AVEN: variants seen among roughly 807,000 people sequenced by gnomAD.
The protein encoded by AVEN is cell death regulator Aven.
A neutral mutation model predicts 38.1 loss-of-function variants in AVEN; 41 were observed. The ratio of observed to expected loss-of-function variants is 1.08; its 90% CI spans 0.84 to 1.40. AVEN has a LOEUF of 1.40. AVEN is among the 40% of genes most tolerant of loss of function. The pLI is 0.00. For missense variants in AVEN, 605 were observed against 438.8 expected (o/e 1.38, Z -3.38); for synonymous variants, 206 against 171.8 (o/e 1.20, Z -1.56).
At chr15:33,993,060 A>G (rs1896794146) in intron 2 of AVEN, among the ~76,000 whole-genome samples, 1 of 152,224 alleles carries the variant, frequency 6.6e-6, no homozygotes, top group Non-Finnish European at 1.5e-5. Context: ...CATTCTGCTC[A>G]CACTGTTAAA....
chr15:33,860,338 G>A (rs976413235), intron 11 of AVEN, among the ~76,000 whole-genome samples: 7 of 152,116 alleles, frequency 4.6e-5, no homozygotes, highest in Admixed American at 1.3e-4. Context: ...ACCAACCAGG[G>A]AGAAGTAGAA....
intron 2 of AVEN, among the ~76,000 whole-genome samples, chr15:33,997,976 A>C (rs1897004055): frequency 6.6e-6 from 1 of 152,062 alleles, no homozygotes; most frequent in South Asian, 2.1e-4. Context: ...AGGAAACTAT[A>C]CTTTCCCACT....
chr15:33,900,129 A>C (rs553500222), intron 2 of AVEN, among the ~76,000 whole-genome samples: 1 of 152,076 alleles, frequency 6.6e-6, no homozygotes, highest in South Asian at 2.1e-4. Context: ...TCTTCTCTCT[A>C]AGCCCTTTTC....
At chr15:34,057,468 GC>G (rs1900200060) in intron 5 of AVEN, among the ~76,000 whole-genome samples, 1 of 152,208 alleles carries the variant, frequency 6.6e-6, no homozygotes, top group Non-Finnish European at 1.5e-5. Context: ...TGCTCTTGTT[GC>G]TGGATTGCTA....
chr15:33,905,927 CTACT>C (rs1041937768), intron 2 of AVEN, among the ~76,000 whole-genome samples: 1 of 152,058 alleles, frequency 6.6e-6, no homozygotes, highest in Non-Finnish European at 1.5e-5. Context: ...TACCTGTTAC[CTACT>C]GTCTTCCCTA....
chr15:33,886,148 G>A (rs889461636), intron 2 of AVEN, among the ~76,000 whole-genome samples: 22 of 152,238 alleles, frequency 1.4e-4, no homozygotes, highest in African/African-American at 4.8e-4. Flanking sequence ...TTCTATCTCT[G>A]TTGATATGGT....
chr15:33,892,977 T>C (rs1892050712), intron 2 of AVEN, among the ~76,000 whole-genome samples: 1 of 152,188 alleles, frequency 6.6e-6, no homozygotes, highest in South Asian at 2.1e-4. Context: ...TTTATTCTCT[T>C]TGTAGCAATT....
chr15:34,073,983 C>CTTTTTTTTTTTTTTTTTT (rs1567498505), intron 1 of AVEN, among the ~76,000 whole-genome samples: 1 of 20,816 alleles, frequency 4.8e-5, no homozygotes, highest in African/African-American at 1.2e-4. Context: ...CTTTTTTCTT[C>CTTTTTTTTTTTTTTTTTT]TTCTTCTTTT....
chr15:33,852,817 C>G, the AVEN span: 1 of 446,714 alleles, frequency 2.2e-6, no homozygotes, highest in South Asian at 2.9e-5. Flanking sequence ...GCAGAAACTG[C>G]CCAGTGGCCT....
At position 34,026,041 on chromosome 15, in the gene AVEN, T is replaced by TA. The variant is rs1898453523; in HGVS notation, c.267+12738dup. Among the ~76,000 whole-genome samples the TA allele has an allele frequency of 2.6e-5, 4 of 152,316 alleles. No homozygotes were observed. In the South Asian group the frequency reaches 8.3e-4, roughly 32 times the overall value. ...CTATGTTTCTGATAATACACAACAG[T>TA]AAAAAATATGAATAAAGGAAAGACA... On this transcript the variant is annotated intron_variant, in intron 1 of 5. Transcript: ENST00000306730.
At chr15:33,857,902 C>T (rs369078948), downstream of AVEN, 55 of 1,614,102 alleles carry the variant, frequency 3.4e-5, no homozygotes, top group African/African-American at 1.9e-4. Flanking sequence ...TGAAGTGCGA[C>T]GACATGATGA....
intron 1 of AVEN, among the ~76,000 whole-genome samples, chr15:34,014,848 A>T (rs1897812726): frequency 6.6e-6 from 1 of 152,226 alleles, no homozygotes; most frequent in African/African-American, 2.4e-5. Context: ...CTTTTGCCAG[A>T]CAAAACTCCA....
chr15:34,007,151 C>T (rs527839828), intron 1 of AVEN: 3 of 593,088 alleles, frequency 5.1e-6, no homozygotes, highest in South Asian at 1.5e-4. Context: ...GAGCTATTAT[C>T]TTGTCCAATG....
In AVEN at chr15:34,025,695, C is replaced by T. The variant is rs187370862; in HGVS notation, c.267+13085G>A. 4.6e-5 allele frequency among the ~76,000 whole-genome samples: 7 copies of T among 152,072 alleles called. No homozygotes were observed. In the East Asian group the frequency reaches 9.6e-4, roughly 21 times the overall value. ...AGGGGTAAAGACGCATCATATCCAC[C>T]GCTCAAAGGTTCAGAAGAAAAAAAA... On this transcript the variant is annotated intron_variant, in intron 1 of 5. Transcript: ENST00000306730.
intron 2 of AVEN, among the ~76,000 whole-genome samples, chr15:33,899,071 A>G (rs1298906238): frequency 1.3e-5 from 2 of 152,188 alleles, no homozygotes; most frequent in Non-Finnish European, 2.9e-5. Flanking sequence ...CTGGAAAGGT[A>G]GGTGGGGACC....
At chr15:33,863,997 A>G, downstream of AVEN, 2 of 595,894 alleles carry the variant, frequency 3.4e-6, no homozygotes, top group Non-Finnish European at 6.0e-6. Flanking sequence ...TTGTGTCCTT[A>G]TGCCACACTT....
intron 2 of AVEN, among the ~76,000 whole-genome samples, chr15:33,894,930 T>C (rs996699539): frequency 6.6e-6 from 1 of 151,568 alleles, no homozygotes; most frequent in African/African-American, 2.4e-5. Flanking sequence ...TAGATGGCAA[T>C]TGCTGGATGT....
At chr15:33,870,850 G>T in intron 4 of AVEN, 85 bp downstream of exon 4, 2 of 931,146 alleles carry the variant, frequency 2.1e-6, no homozygotes, top group South Asian at 2.0e-5. Flanking sequence ...AGCTGACACT[G>T]AGACATCCTG....
chr15:33,871,522 C>T (rs367825041), intron 3 of AVEN, among the ~76,000 whole-genome samples: 8 of 151,792 alleles, frequency 5.3e-5, no homozygotes, highest in Admixed American at 3.9e-4. Flanking sequence ...GAGCCGAGAT[C>T]GCAACACTGC....
Sources: gnomAD v4.1 joint callset for allele counts (sites outside exome capture counted in the v4.1 genomes callset) on GRCh38, gnomAD v4.1.1 for gene constraint, MANE v1.5 for transcripts, NCBI Gene and HGNC (gene_info 2026-07-23, HGNC 2026-07-21) for gene names.